ATG5: variants seen among roughly 807,000 people sequenced by gnomAD.
The protein encoded by ATG5 is autophagy protein 5.
Under a neutral mutation model 36.5 loss-of-function variants are expected in ATG5, and 14 were observed. That is an observed-to-expected ratio of 0.38 (90% confidence interval 0.25 to 0.60). ATG5 has a LOEUF of 0.60. Among genes scored for constraint, ATG5 ranks in the 20% least tolerant of loss-of-function variants. The pLI is 0.60. For missense variants in ATG5, 195 were observed against 326.7 expected (o/e 0.60, Z 3.11); for synonymous variants, 95 against 101.5 (o/e 0.94, Z 0.38).
At chr6:106,314,506 G>A (rs903552727) in intron 2 of ATG5, among the ~76,000 whole-genome samples, 3 of 152,096 alleles carry the variant, frequency 2.0e-5, no homozygotes, top group African/African-American at 7.2e-5. Context: ...GCAGTGAGCC[G>A]AGATGGCACT....
chr6:106,242,648 A>G (rs1397844398), intron 6 of ATG5, among the ~76,000 whole-genome samples: 1 of 152,188 alleles, frequency 6.6e-6, no homozygotes, highest in African/African-American at 2.4e-5. Context: ...CACCTCAAGC[A>G]ACTTACATTC....
chr6:106,278,661 A>G (rs1779753737), intron 5 of ATG5, among the ~76,000 whole-genome samples: 1 of 152,102 alleles, frequency 6.6e-6, no homozygotes, highest in Non-Finnish European at 1.5e-5. Flanking sequence ...CATTCCCAAC[A>G]TTATCAGTTT....
At chr6:106,243,060 A>C (rs930011681) in intron 6 of ATG5, among the ~76,000 whole-genome samples, 1 of 152,222 alleles carries the variant, frequency 6.6e-6, no homozygotes, top group South Asian at 2.1e-4. Context: ...TGCCAAGTTA[A>C]TCCCTGACAT....
intron 6 of ATG5, among the ~76,000 whole-genome samples, chr6:106,247,035 G>A (rs1315630774): frequency 6.6e-6 from 1 of 152,120 alleles, no homozygotes; most frequent in Non-Finnish European, 1.5e-5. Flanking sequence ...CATTCTTCCA[G>A]TATATTGAGA....
intron 5 of ATG5, among the ~76,000 whole-genome samples, chr6:106,267,921 T>C (rs149814761): frequency 0.016 from 2,492 of 152,224 alleles, 37 homozygotes; most frequent in Non-Finnish European, 0.029. Context: ...ATTCAGGACA[T>C]AGGCATGGGA....
chr6:106,307,710 A>G (rs138164916), intron 3 of ATG5, among the ~76,000 whole-genome samples: 2 of 152,058 alleles, frequency 1.3e-5, no homozygotes, highest in African/African-American at 4.8e-5. Flanking sequence ...CTAATTTTGT[A>G]TTTTTAGTAG....
intron 6 of ATG5, among the ~76,000 whole-genome samples, chr6:106,229,370 CAG>C (rs1490796945): frequency 6.6e-6 from 1 of 151,544 alleles, no homozygotes; most frequent in Non-Finnish European, 1.5e-5. Context: ...AGAGAGGAAA[CAG>C]AGAGAGACAG....
intron 3 of ATG5, among the ~76,000 whole-genome samples, chr6:106,307,651 C>T (rs191361326): frequency 1.8e-4 from 28 of 151,502 alleles, no homozygotes; most frequent in Admixed American, 1.3e-3. Flanking sequence ...TTTCTCCTGC[C>T]TCAGCCTCCC....
intron 2 of ATG5, among the ~76,000 whole-genome samples, chr6:106,312,067 G>C (rs1030363256): frequency 6.6e-6 from 1 of 152,154 alleles, no homozygotes; most frequent in Non-Finnish European, 1.5e-5. Flanking sequence ...CTGACCTCAG[G>C]TGATCCACCC....
chr6:106,213,504 G>A (rs1196753731), intron 6 of ATG5, among the ~76,000 whole-genome samples: 1 of 152,056 alleles, frequency 6.6e-6, no homozygotes, highest in Non-Finnish European at 1.5e-5. Flanking sequence ...AATATAGAAG[G>A]TCTTCAAGCT....
At chr6:106,306,416 G>A (rs1211891817) in intron 3 of ATG5, among the ~76,000 whole-genome samples, 1 of 152,118 alleles carries the variant, frequency 6.6e-6, no homozygotes, top group Non-Finnish European at 1.5e-5. Flanking sequence ...CCTCAACTGG[G>A]GGCGGTTCTG....
intron 6 of ATG5, among the ~76,000 whole-genome samples, chr6:106,223,441 G>T (rs1476573381): frequency 6.6e-6 from 1 of 152,152 alleles, no homozygotes; most frequent in Non-Finnish European, 1.5e-5. Flanking sequence ...AGCAATTTAA[G>T]CCTAAATTGC....
At chr6:106,241,506 T>G (rs73775397) in intron 6 of ATG5, among the ~76,000 whole-genome samples, 3,703 of 152,294 alleles carry the variant, frequency 0.024, 64 homozygotes, top group African/African-American at 0.049. Context: ...ATACCCCAAA[T>G]AACTGAAAAC....
chr6:106,302,976 T>C (rs920754601), intron 3 of ATG5, among the ~76,000 whole-genome samples: 2 of 152,078 alleles, frequency 1.3e-5, no homozygotes, highest in Admixed American at 6.5e-5. Context: ...ATGGTAAATT[T>C]TGTTACATGC....
intron 6 of ATG5, among the ~76,000 whole-genome samples, chr6:106,233,732 C>A (rs1020271286): frequency 6.6e-6 from 1 of 151,872 alleles, no homozygotes; most frequent in Non-Finnish European, 1.5e-5. Context: ...GGCTGTCAGA[C>A]AACCGTGAGG....
intron 6 of ATG5, among the ~76,000 whole-genome samples, chr6:106,222,103 T>C (rs547780586): frequency 1.3e-5 from 2 of 152,236 alleles, no homozygotes; most frequent in East Asian, 3.9e-4. Context: ...CGTTAAACCA[T>C]GAGTTTGGCC....
chr6:106,257,438 A>G (rs759103119), intron 5 of ATG5, among the ~76,000 whole-genome samples: 1 of 152,182 alleles, frequency 6.6e-6, no homozygotes, highest in Non-Finnish European at 1.5e-5. Flanking sequence ...TTGTGCTATG[A>G]TGGTACAAGG....
At chr6:106,245,018 C>A (rs933064301) in intron 6 of ATG5, among the ~76,000 whole-genome samples, 9 of 152,168 alleles carry the variant, frequency 5.9e-5, no homozygotes, top group South Asian at 2.1e-4. Flanking sequence ...ATTTTGGTTA[C>A]ATTCTGTAAC....
At chr6:106,306,653 T>A (rs1770458190) in intron 3 of ATG5, among the ~76,000 whole-genome samples, 2 of 152,248 alleles carry the variant, frequency 1.3e-5, no homozygotes. Flanking sequence ...AATTCTGAGA[T>A]AATCTGTAAT....
Sources: gnomAD v4.1 joint callset for allele counts (sites outside exome capture counted in the v4.1 genomes callset) on GRCh38, gnomAD v4.1.1 for gene constraint, MANE v1.5 for transcripts, NCBI Gene and HGNC (gene_info 2026-07-23, HGNC 2026-07-21) for gene names.